Variants in PEX7 observed in about 807,000 individuals in gnomAD.
PEX7 encodes the protein PTS2 receptor.
Under a neutral mutation model 47.5 loss-of-function variants are expected in PEX7, and 34 were observed. The observed-to-expected ratio is 0.72, with a 90% CI of 0.54 to 0.95. The LOEUF is 0.95. Ranked by LOEUF, PEX7 falls within the 40% of genes least tolerant of loss-of-function variation. PEX7 has a pLI of 0.00. For missense variants in PEX7, 394 were observed against 400.3 expected (o/e 0.98, Z 0.13); for synonymous variants, 141 against 148.8 (o/e 0.95, Z 0.38).
intron 5 of PEX7, 43 bp downstream of exon 5, chr6:136,846,224 T>C: frequency 1.6e-6 from 2 of 1,245,730 alleles, no homozygotes; most frequent in South Asian, 2.5e-5. Flanking sequence ...TTGTAGTGAA[T>C]GGTGGCCTTG....
intron 8 of PEX7, among the ~76,000 whole-genome samples, chr6:136,880,979 G>A (rs1775367387): frequency 6.6e-6 from 1 of 152,166 alleles, no homozygotes; most frequent in African/African-American, 2.4e-5. Context: ...TGATTATAAA[G>A]TTTTCAGCCT....
rs1272256985 is a variant in PEX7 at position 136,900,636 on chromosome 6, C to A, written c.903+2395C>A. 2 of 334,428 alleles carry A rather than the reference C, an allele frequency of 6.0e-6. No individual in the cohort carries two copies. Among genetic ancestry groups the A allele is most frequent in the Non-Finnish European group, 1.2e-5 (2 of 171,654 alleles). 20.7% of individuals were successfully genotyped at this position (334,428 alleles called of 1,614,324 possible). ...TTCCCTTGACAGCGCAGTCAGGGAC[C>A]CCCATTTTATGAGACAGGGCAGGCA... On this transcript the variant is annotated intron_variant, in intron 9 of 9. Transcript: ENST00000318471. This position sits in a 1 kb window ranked among gnomAD's most constrained non-coding sequence, Gnocchi z 4.2.
intron 3 of PEX7, among the ~76,000 whole-genome samples, chr6:136,831,183 C>G (rs1335400072): frequency 6.6e-6 from 1 of 151,868 alleles, no homozygotes; most frequent in African/African-American, 2.4e-5. Flanking sequence ...ACTGGGGAGG[C>G]CTCAGGAAAC....
At chr6:136,834,752 T>G (rs1310017993) in intron 3 of PEX7, among the ~76,000 whole-genome samples, 1 of 145,730 alleles carries the variant, frequency 6.9e-6, no homozygotes, top group Non-Finnish European at 1.5e-5. Context: ...TTGTGTAGAT[T>G]TTGGGCCACA....
chr6:136,876,373 T>C (rs1361907928), intron 8 of PEX7, among the ~76,000 whole-genome samples: 3 of 152,148 alleles, frequency 2.0e-5, no homozygotes, highest in African/African-American at 7.2e-5. Flanking sequence ...AGTTCTGGGA[T>C]GCATGTGCAG....
intron 9 of PEX7, among the ~76,000 whole-genome samples, chr6:136,902,747 T>C (rs1422503769): frequency 6.6e-6 from 1 of 152,230 alleles, no homozygotes; most frequent in African/African-American, 2.4e-5. Context: ...TTAGAATTCC[T>C]GACTTTGTGT....
chr6:136,876,414 C>T (rs577018828), intron 8 of PEX7, among the ~76,000 whole-genome samples: 18 of 152,168 alleles, frequency 1.2e-4, no homozygotes, highest in African/African-American at 3.9e-4. Flanking sequence ...TAGGTATATA[C>T]GTGCTATGGT....
At chr6:136,824,702 T>A (rs1327889897) in intron 1 of PEX7, among the ~76,000 whole-genome samples, 1 of 152,240 alleles carries the variant, frequency 6.6e-6, no homozygotes, top group Non-Finnish European at 1.5e-5. Context: ...AGCACTTTAT[T>A]ACCACCAGTT....
At chr6:136,871,231 A>T (rs977360637) in intron 7 of PEX7, among the ~76,000 whole-genome samples, 1 of 152,202 alleles carries the variant, frequency 6.6e-6, no homozygotes, top group East Asian at 1.9e-4. Context: ...ATATATGTGT[A>T]TTTAACTATT....
chr6:136,828,019 C>A (rs1363656804), intron 3 of PEX7, among the ~76,000 whole-genome samples: 1 of 142,184 alleles, frequency 7.0e-6, no homozygotes, highest in Non-Finnish European at 1.5e-5. Context: ...TTTCCTTTTT[C>A]TTAAATCTTT....
intron 5 of PEX7, among the ~76,000 whole-genome samples, chr6:136,857,171 C>T (rs1364867041): frequency 6.6e-6 from 1 of 152,228 alleles, no homozygotes; most frequent in Non-Finnish European, 1.5e-5. Context: ...CATTTACTCA[C>T]TGGGCTGTGT....
At chr6:136,899,505 A>T (rs1775715703) in intron 9 of PEX7, among the ~76,000 whole-genome samples, 1 of 152,134 alleles carries the variant, frequency 6.6e-6, no homozygotes, top group Admixed American at 6.5e-5. Context: ...TGGCCTCCCA[A>T]AGTGCTGGGA....
In PEX7 at chr6:136,825,259, G is replaced by A. The variant is rs1224499955; in HGVS notation, c.176G>A (p.Arg59Lys). 1 of 1,613,192 alleles carries A rather than the reference G, an allele frequency of 6.2e-7. No individual in the cohort carries two copies. The highest frequency in any genetic ancestry group is 8.5e-7 in the Non-Finnish European group (1 of 1,179,208). ...TTGGATCCAGATGAAGCTGGGCTAA[G>A]GCTTTTTAGAAGGTAAGGGGGCTGA... ...LILDPDEAGL[R>K]LFRSFDWNDG... Residue 59 changes from arginine (R) to lysine (K), a missense_variant, in exon 2 of 10, where the codon AGG becomes AAG. Physicochemically the swap from Arg to Lys is conservative, Grantham distance 26 (BLOSUM62 2). Transcript: ENST00000318471.
intron 8 of PEX7, among the ~76,000 whole-genome samples, chr6:136,893,887 T>C (rs1397787144): frequency 6.6e-6 from 1 of 152,212 alleles, no homozygotes; most frequent in South Asian, 2.1e-4. Flanking sequence ...GAAAGAACTT[T>C]AAAAAAATAT....
chr6:136,899,080 C>CTTTTTTTTTTTTTTTTTTTTTTTT, intron 9 of PEX7, among the ~76,000 whole-genome samples: 1 of 111,978 alleles, frequency 8.9e-6, no homozygotes, highest in Non-Finnish European at 1.8e-5. Context: ...TTTTTCTTTT[C>CTTTTTTTTTTTTTTTTTTTTTTTT]TTTTTTTTTT....
chr6:136,913,321 C>T lies in PEX7; in HGVS notation c.904-137C>T. The T allele has an allele frequency of 2.9e-6, 2 of 693,336 alleles. 1 individual carries two copies. The allele number at this position is 693,336 out of a possible 1,614,324, so 42.9% of individuals were successfully genotyped here. On this transcript the variant is annotated intron_variant, in intron 9 of 9. Transcript: ENST00000318471. ...TATGGACCTTTTATCAAAAACGTAG[C>T]CCTATGTTTTCCCTATTCAAAAATA...
chr6:136,882,995 A>G (rs1041489533), intron 8 of PEX7, among the ~76,000 whole-genome samples: 4 of 152,154 alleles, frequency 2.6e-5, no homozygotes, highest in Non-Finnish European at 5.9e-5. Context: ...TCACTGATTA[A>G]ATAGGGTTAA....
chr6:136,845,963 T>C, intron 4 of PEX7, 110 bp from the exon 5 acceptor site: 1 of 735,822 alleles, frequency 1.4e-6, no homozygotes, highest in South Asian at 1.5e-5. Context: ...TCTGTATATA[T>C]ATTGTATGCA....
intron 3 of PEX7, among the ~76,000 whole-genome samples, chr6:136,835,987 T>C (rs1437679399): frequency 6.6e-6 from 1 of 152,220 alleles, no homozygotes; most frequent in Non-Finnish European, 1.5e-5. Context: ...ATCTGTAGTC[T>C]CTCTCATACA....
Sources: allele counts gnomAD v4.1 joint callset (sites outside exome capture counted in the v4.1 genomes callset), GRCh38; gene constraint gnomAD v4.1.1; non-coding constraint Gnocchi (gnomAD v3.1); transcripts MANE v1.5; gene names NCBI Gene and HGNC (gene_info 2026-07-23, HGNC 2026-07-21).